Variants in FMR1 observed in about 807,000 individuals in gnomAD.
FMR1 encodes the protein FMRP translational regulator 1.
Under a neutral mutation model 50.6 loss-of-function variants are expected in FMR1, and 13 were observed. The observed-to-expected ratio is 0.26, with a 90% CI of 0.17 to 0.41. The LOEUF is 0.41. Among genes scored for constraint, FMR1 ranks in the 10% least tolerant of loss-of-function variants. The pLI, the probability that FMR1 is intolerant of heterozygous loss-of-function variation, is 1.00. For missense variants in FMR1, 316 were observed against 491.3 expected, an observed-to-expected ratio of 0.64 and a Z score of 3.37; for synonymous variants, 138 against 164.1, an observed-to-expected ratio of 0.84 and a Z score of 1.22.
At chrX:147,922,946 A>G (rs2043236410) in intron 2 of FMR1, among the ~76,000 whole-genome samples, 1 of 111,589 alleles carries the variant, frequency 9.0e-6, no homozygotes, top group African/African-American at 3.3e-5. Flanking sequence ...TAAACCTTCT[A>G]TAAACCATTG....
chrX:147,928,834 G>T, intron 5 of FMR1, 27 bp downstream of exon 5: 2 of 1,188,770 alleles, frequency 1.7e-6, no homozygotes, highest in South Asian at 1.8e-5. Flanking sequence ...GAAATGCTGA[G>T]AACTTGGAAG....
chrX:147,918,431 C>T (rs944048108), intron 1 of FMR1, among the ~76,000 whole-genome samples: 4 of 110,447 alleles, frequency 3.6e-5, no homozygotes, highest in African/African-American at 1.3e-4. Context: ...CATCCATTTA[C>T]AGATAAGCCT....
At chrX:147,918,545 C>T (rs1370017687) in intron 1 of FMR1, among the ~76,000 whole-genome samples, 1 of 63,242 alleles carries the variant, frequency 1.6e-5, no homozygotes, top group African/African-American at 7.9e-5. Flanking sequence ...GCATTCAGAG[C>T]CTGCAAAAGC....
chrX:147,934,205 GTTTTT>G (rs548035697), intron 9 of FMR1, among the ~76,000 whole-genome samples: 1 of 100,064 alleles, frequency 1.0e-5, no homozygotes, highest in Non-Finnish European at 2.0e-5. Flanking sequence ...TAGTTGTTTT[GTTTTT>G]TTTTTTTAAT....
At chrX:147,924,833 A>G (rs1439638386) in intron 2 of FMR1, 1 of 110,168 alleles carries the variant, frequency 9.1e-6, no homozygotes, top group Non-Finnish European at 1.9e-5. Flanking sequence ...TTATATTTTT[A>G]TGGATATAAA....
intron 9 of FMR1, among the ~76,000 whole-genome samples, chrX:147,934,727 A>G (rs2043729875): frequency 8.9e-6 from 1 of 112,069 alleles, no homozygotes; most frequent in African/African-American, 3.2e-5. Flanking sequence ...TAGTTAGTAA[A>G]ATGAGATAAT....
Position 147,949,764 on chromosome X carries a change from A to G in FMR1, c.*920A>G. ...TAGGATATGCCTGCTCTTTGGCCTG[A>G]TGACCAATTTTAACTTAGAGCTTTT... On this transcript the variant is annotated 3_prime_UTR_variant, in exon 17 of 17. Coordinates refer to ENST00000370475, the MANE Select transcript of FMR1 (RefSeq NM_002024.6). 3.0e-6 allele frequency: 1 copy of G among 327,990 alleles called. No homozygotes were observed. The highest frequency in any genetic ancestry group is 5.9e-6 in the Non-Finnish European group (1 of 169,665). 27.0% of individuals were successfully genotyped at this position (327,990 alleles called of 1,213,427 possible). A position where few individuals can be genotyped will look rare whatever the true frequency, so the allele number is the denominator to read the frequency against.
At chrX:147,948,509 T>C in intron 16 of FMR1, 174 bp from the exon 17 acceptor site, 3 of 1,091,105 alleles carry the variant, frequency 2.7e-6, no homozygotes, top group Non-Finnish European at 3.6e-6. Context: ...TTTAAAATCA[T>C]AAACCAAATA....
chrX:147,940,325 G>A, intron 12 of FMR1: 1 of 356,347 alleles, frequency 2.8e-6, no homozygotes, highest in African/African-American at 2.6e-5. Flanking sequence ...TGATTTTGCT[G>A]ATACTGAATA....
chrX:147,942,612 A>G (rs1020652525), intron 13 of FMR1, among the ~76,000 whole-genome samples: 4 of 112,377 alleles, frequency 3.6e-5, no homozygotes, highest in Admixed American at 9.4e-5. Flanking sequence ...TAACCATAGT[A>G]TATGTTCTTT....
intron 9 of FMR1, among the ~76,000 whole-genome samples, chrX:147,935,034 C>A (rs782669890): frequency 8.9e-6 from 1 of 111,873 alleles, no homozygotes; most frequent in South Asian, 3.7e-4. Flanking sequence ...AAGATATTAT[C>A]TTAATAAAAA....
chrX:147,935,436 C>T (rs2043755920), intron 9 of FMR1, among the ~76,000 whole-genome samples: 1 of 112,236 alleles, frequency 8.9e-6, no homozygotes, highest in Non-Finnish European at 1.9e-5. Context: ...TCTTTTCCCC[C>T]AACTTTGCCT....
intron 16 of FMR1, chrX:147,947,200 C>G (rs1181721576): frequency 9.4e-6 from 1 of 106,081 alleles, no homozygotes; most frequent in Non-Finnish European, 1.9e-5. Context: ...CACCTGAGGT[C>G]AGGAGTTCGA....
At chrX:147,915,170 G>T (rs1277096346) in intron 1 of FMR1, among the ~76,000 whole-genome samples, 1 of 111,751 alleles carries the variant, frequency 8.9e-6, no homozygotes, top group Non-Finnish European at 1.9e-5. Flanking sequence ...TTTGAGGACA[G>T]ACTTTCATTT....
At chrX:147,933,414 A>G in intron 9 of FMR1, 1 of 973,891 alleles carries the variant, frequency 1.0e-6, no homozygotes, top group Non-Finnish European at 1.3e-6. Context: ...TGAAGATCTG[A>G]ACATAGGTTA....
chrX:147,927,468 C>T (rs1198628677), intron 3 of FMR1, among the ~76,000 whole-genome samples: 1 of 111,673 alleles, frequency 9.0e-6, no homozygotes, highest in African/African-American at 3.3e-5. Context: ...GAGACAAGTT[C>T]GAGCTTTTAC....
At chrX:147,933,675 G>A (rs959528367) in intron 9 of FMR1, 6 of 785,997 alleles carry the variant, frequency 7.6e-6, no homozygotes, top group Non-Finnish European at 9.2e-6. Flanking sequence ...AAATAAAATT[G>A]GGACATACTG....
At chrX:147,914,680 T>C (rs936901614) in intron 1 of FMR1, among the ~76,000 whole-genome samples, 7 of 112,117 alleles carry the variant, frequency 6.2e-5, no homozygotes, top group Non-Finnish European at 1.3e-4. Context: ...GCCACTACTT[T>C]TATGCTTAGG....
chrX:147,944,073 T>C (rs1294337909), intron 14 of FMR1: 2 of 539,971 alleles, frequency 3.7e-6, no homozygotes, highest in Non-Finnish European at 4.5e-6. Flanking sequence ...AGAGAGGTAG[T>C]AGAGCTGATA....
Sources: gnomAD v4.1 joint callset for allele counts (sites outside exome capture counted in the v4.1 genomes callset) on GRCh38, gnomAD v4.1.1 for gene constraint, MANE v1.5 for transcripts, NCBI Gene and HGNC (gene_info 2026-07-23, HGNC 2026-07-21) for gene names.